Variants in SULT2A1 observed in about 807,000 individuals in gnomAD.
SULT2A1 encodes sulfotransferase family 2A member 1, also known as sulfotransferase 2A1.
A neutral mutation model predicts 33.9 loss-of-function variants in SULT2A1; 43 were observed. The ratio of observed to expected loss-of-function variants is 1.27; its 90% CI spans 1.00 to 1.64. The LOEUF (loss-of-function observed/expected upper bound fraction) is 1.64, where lower values mean the gene tolerates loss of function less well. Ranked by LOEUF, SULT2A1 falls within the 40% of genes most tolerant of loss-of-function variation. The probability of loss-of-function intolerance (pLI) is 0.00; values close to 1 mark genes in which losing one functional copy is unlikely to be tolerated. For synonymous variants in SULT2A1, 125 were observed against 113.6 expected (o/e 1.10, Z -0.64); for missense variants, 300 against 335.1 (o/e 0.90, Z 0.82).
intron 5 of SULT2A1, 43 bp downstream of exon 5, chr19:47,874,614 C>T (rs377541894): frequency 1.7e-5 from 27 of 1,554,868 alleles, no homozygotes; most frequent in Admixed American, 3.5e-5. Context: ...GCATGCATGC[C>T]GTGTATTCTG....
chr19:47,881,513 G>A (rs1362352622), intron 3 of SULT2A1, among the ~76,000 whole-genome samples: 1 of 152,112 alleles, frequency 6.6e-6, no homozygotes, highest in Non-Finnish European at 1.5e-5. Context: ...TAGAGGCATT[G>A]GTGGCTCTCT....
At chr19:47,882,572 T>C (rs1386274927) in intron 2 of SULT2A1, among the ~76,000 whole-genome samples, 1 of 152,136 alleles carries the variant, frequency 6.6e-6, no homozygotes, top group Non-Finnish European at 1.5e-5. Flanking sequence ...TTCATAGATA[T>C]ATAGCAATAT....
chr19:47,886,315 T>C lies in SULT2A1; in HGVS notation c.-58A>G. On this transcript the variant is annotated 5_prime_UTR_variant, in exon 1 of 6. Coordinates refer to ENST00000222002, the MANE Select transcript of SULT2A1 (RefSeq NM_003167.4). ...TTCAACTGTAGCCACCGCTGGAGGCTGTGGCAGCTACAGGCAGATCAGCTT... is the reference window on the plus strand; with the variant it reads ...TTCAACTGTAGCCACCGCTGGAGGCCGTGGCAGCTACAGGCAGATCAGCTT... 6.3e-7 allele frequency: 1 copy of C among 1,589,936 alleles called. No homozygotes were observed. Among genetic ancestry groups the C allele is most frequent in the Middle Eastern group, 1.7e-4 (1 of 5,960 alleles).
At chr19:47,875,158 C>CAAAAAAAAAAAAA (rs36196588) in intron 4 of SULT2A1, among the ~76,000 whole-genome samples, 6 of 94,084 alleles carry the variant, frequency 6.4e-5, no homozygotes, top group Non-Finnish European at 1.2e-4. Flanking sequence ...GAGACCTTGT[C>CAAAAAAAAAAAAA]AAAAAAAAAA....
intron 1 of SULT2A1, 32 bp from the exon 2 acceptor site, chr19:47,883,817 G>A (rs1249948723): frequency 6.2e-7 from 1 of 1,600,868 alleles, no homozygotes; most frequent in South Asian, 1.1e-5. Flanking sequence ...TATATAAAAT[G>A]TACCATCTCA....
chr19:47,884,611 T>G (rs545066002), intron 1 of SULT2A1, among the ~76,000 whole-genome samples: 17 of 151,572 alleles, frequency 1.1e-4, no homozygotes, highest in Non-Finnish European at 2.5e-4. Flanking sequence ...TGCTTCAGCC[T>G]CGCAAGTATC....
chr19:47,886,239 A>G lies in SULT2A1; in HGVS notation c.19T>C (p.Trp7Arg), dbSNP rs761884884. The G allele has an allele frequency of 1.2e-6, 2 of 1,613,872 alleles. No individual in the cohort carries two copies. Among genetic ancestry groups the G allele is most frequent in the Admixed American group, 1.7e-5 (1 of 59,976 alleles). The change falls in exon 1 of 6, where the codon TGG becomes CGG. Residue 7 changes from tryptophan to arginine, a missense_variant. Transcript: ENST00000222002. MSDDFL[W>R]FEGIAFPTMG... ...GTAGGGAAAGCTATGCCTTCAAACC[A>G]TAAGAAATCGTCCGACATGATGATG...
chr19:47,883,899 G>T, intron 1 of SULT2A1, 114 bp from the exon 2 acceptor site: 1 of 943,954 alleles, frequency 1.1e-6, no homozygotes, highest in Non-Finnish European at 1.6e-6. Flanking sequence ...TGAGGTCAGG[G>T]GTTCCAGAAT....
At chr19:47,881,702 CAG>C in intron 3 of SULT2A1, among the ~76,000 whole-genome samples, 1 of 151,876 alleles carries the variant, frequency 6.6e-6, no homozygotes, top group Non-Finnish European at 1.5e-5. Context: ...CAGATAGAAA[CAG>C]AATATTAAGA....
intron 5 of SULT2A1, among the ~76,000 whole-genome samples, chr19:47,872,849 C>T (rs911789799): frequency 6.6e-6 from 1 of 151,184 alleles, no homozygotes; most frequent in African/African-American, 2.4e-5. Context: ...ACCTCTGCCT[C>T]CTGGGTTCAA....
rs368011135 is a variant in SULT2A1, at chr19:47,871,232, C to T, written c.*223G>A. On this transcript the variant is annotated 3_prime_UTR_variant, in exon 6 of 6. Transcript: ENST00000222002. Reference sequence around the variant, plus strand: ...GTCTCAGTCTCCTGACCTCGTGATCCGCCCGTCTCGGCCTCCCATAGTGCT... The same window carrying T: ...GTCTCAGTCTCCTGACCTCGTGATCTGCCCGTCTCGGCCTCCCATAGTGCT... 13 of 484,920 alleles carry T rather than the reference C, an allele frequency of 2.7e-5. No individual in the cohort carries two copies. Among genetic ancestry groups the T allele is most frequent in the Non-Finnish European group, 4.4e-5 (12 of 273,714 alleles). The allele number at this position is 484,920 out of a possible 1,614,324, so 30.0% of individuals were successfully genotyped here. A position where few individuals can be genotyped will look rare whatever the true frequency, so the allele number is the denominator to read the frequency against.
rs1026503407 is a variant in SULT2A1 at position 47,870,478 on chromosome 19, C to T, written c.*977G>A. 6.8e-6 allele frequency: 1 copy of T among 147,410 alleles called. No homozygotes were observed. The highest frequency in any genetic ancestry group is 2.2e-4 in the South Asian group (1 of 4,516). The allele number at this position is 147,410 out of a possible 1,614,324, so 9.1% of individuals were successfully genotyped here. On this transcript the variant is annotated 3_prime_UTR_variant, in exon 6 of 6. Coordinates refer to ENST00000222002, the MANE Select transcript of SULT2A1 (RefSeq NM_003167.4). The stretch of plus-strand genomic sequence containing the variant: ...AAGTTTTAGAAGCCTCCATAAACAC[C>T]GTTTATTGTATATGGTTTAACAACA...
intron 4 of SULT2A1, among the ~76,000 whole-genome samples, chr19:47,877,153 T>A (rs1600032901): frequency 6.7e-6 from 1 of 149,672 alleles, no homozygotes; most frequent in Non-Finnish European, 1.5e-5. Flanking sequence ...CAGAGGAAGG[T>A]GTTGGGACGT....
chr19:47,876,348 T>C (rs563891271), intron 4 of SULT2A1, among the ~76,000 whole-genome samples: 2 of 152,320 alleles, frequency 1.3e-5, no homozygotes, highest in African/African-American at 2.4e-5. Context: ...AGAAGGACTT[T>C]GCTTTGAATC....
intron 5 of SULT2A1, among the ~76,000 whole-genome samples, chr19:47,874,038 G>T (rs62529867): frequency 1.3e-5 from 2 of 152,078 alleles, no homozygotes; most frequent in African/African-American, 4.8e-5. Context: ...GTCTAGCAAG[G>T]GTTGCTAGTT....
intron 2 of SULT2A1, 65 bp downstream of exon 2, chr19:47,883,512 G>A (rs1289888986): frequency 7.5e-6 from 11 of 1,475,678 alleles, no homozygotes; most frequent in South Asian, 2.3e-5. Flanking sequence ...ATCTCCAGAT[G>A]ACTTATAGGC....
intron 4 of SULT2A1, among the ~76,000 whole-genome samples, chr19:47,878,778 G>A (rs985031634): frequency 6.6e-6 from 1 of 152,024 alleles, no homozygotes; most frequent in South Asian, 2.1e-4. Context: ...GCCTCCCAAA[G>A]TGCTGGGATT....
intron 3 of SULT2A1, 107 bp downstream of exon 3, chr19:47,881,977 G>T: frequency 1.4e-6 from 2 of 1,466,082 alleles, no homozygotes; most frequent in Non-Finnish European, 1.9e-6. Flanking sequence ...CAGGGGTGGT[G>T]GAGCCTTTCA....
At chr19:47,881,567 CA>C (rs1765896232) in intron 3 of SULT2A1, among the ~76,000 whole-genome samples, 1 of 152,080 alleles carries the variant, frequency 6.6e-6, no homozygotes, top group Non-Finnish European at 1.5e-5. Context: ...AGAGACACAT[CA>C]CAGCTGAGAT....
Sources: allele counts gnomAD v4.1 joint callset (sites outside exome capture counted in the v4.1 genomes callset), GRCh38; gene constraint gnomAD v4.1.1; transcripts MANE v1.5; gene names NCBI Gene and HGNC (gene_info 2026-07-23, HGNC 2026-07-21).